RABGAP1L: variants seen among roughly 807,000 people sequenced by gnomAD.
RABGAP1L encodes rab GTPase-activating protein 1-like.
Under a neutral mutation model 137.7 loss-of-function variants are expected in RABGAP1L, and 63 were observed. That is an observed-to-expected ratio of 0.46 (90% CI 0.37 to 0.56). The LOEUF is 0.56. Ranked by LOEUF, RABGAP1L falls within the 20% of genes least tolerant of loss-of-function variation. The pLI, the probability that RABGAP1L is intolerant of heterozygous loss-of-function variation, is 0.00. For synonymous variants in RABGAP1L, 431 were observed against 433.7 expected, an observed-to-expected ratio of 0.99 and a Z score of 0.08; for missense variants, 1,095 against 1,244.0, an observed-to-expected ratio of 0.88 and a Z score of 1.80.
intron 13 of RABGAP1L, among the ~76,000 whole-genome samples, chr1:174,476,673 A>G (rs1394055805): frequency 2.0e-5 from 3 of 152,174 alleles, no homozygotes; most frequent in Non-Finnish European, 4.4e-5. Flanking sequence ...AGGATTTGAC[A>G]AGTTAATTAG....
chr1:174,901,876 G>C (rs2149161351), intron 19 of RABGAP1L, among the ~76,000 whole-genome samples: 1 of 152,178 alleles, frequency 6.6e-6, no homozygotes, highest in East Asian at 1.9e-4. Context: ...CTTTTTTGTT[G>C]ATATTGTTGT....
intron 13 of RABGAP1L, among the ~76,000 whole-genome samples, chr1:174,491,869 TG>T (rs1378004109): frequency 6.6e-6 from 1 of 152,218 alleles, no homozygotes; most frequent in East Asian, 1.9e-4. Flanking sequence ...AGGACAGCAC[TG>T]AATTAAGTGC....
At chr1:174,307,907 T>C (rs1300413731) in intron 11 of RABGAP1L, among the ~76,000 whole-genome samples, 2 of 152,132 alleles carry the variant, frequency 1.3e-5, no homozygotes, top group African/African-American at 4.8e-5. Flanking sequence ...TTTTTCATAG[T>C]GGTTGTACCA....
At chr1:174,837,569 G>C (rs1692899786) in intron 19 of RABGAP1L, among the ~76,000 whole-genome samples, 1 of 152,186 alleles carries the variant, frequency 6.6e-6, no homozygotes, top group Admixed American at 6.5e-5. Flanking sequence ...GTGGAGAATT[G>C]CCTCCTCTTC....
At chr1:174,599,329 GTTTTATC>G (rs1219956559) in intron 13 of RABGAP1L, among the ~76,000 whole-genome samples, 2 of 152,108 alleles carry the variant, frequency 1.3e-5, no homozygotes, top group Admixed American at 1.3e-4. Context: ...ATTTTTGATA[GTTTTATC>G]TTTTGATCTT....
chr1:174,950,744 T>C (rs934234331), intron 19 of RABGAP1L, among the ~76,000 whole-genome samples: 2 of 152,172 alleles, frequency 1.3e-5, no homozygotes, highest in Non-Finnish European at 2.9e-5. Context: ...TAAGAAACTG[T>C]CTGAAGTGAG....
At chr1:174,259,297 C>A (rs1032549064) in intron 7 of RABGAP1L, among the ~76,000 whole-genome samples, 4 of 152,076 alleles carry the variant, frequency 2.6e-5, no homozygotes, top group Non-Finnish European at 2.9e-5. Context: ...TTATACTTAG[C>A]TACTTACTCC....
chr1:174,908,606 G>A (rs937515497), intron 19 of RABGAP1L, among the ~76,000 whole-genome samples: 6 of 142,198 alleles, frequency 4.2e-5, no homozygotes, highest in East Asian at 4.2e-4. Flanking sequence ...ACAATGGTGC[G>A]ATCTTGGCTC....
At chr1:174,190,238 G>A (rs1667113187) in intron 1 of RABGAP1L, among the ~76,000 whole-genome samples, 1 of 151,268 alleles carries the variant, frequency 6.6e-6, no homozygotes, top group Non-Finnish European at 1.5e-5. Flanking sequence ...GGGAGGCAGA[G>A]GTTGCGGTGA....
intron 19 of RABGAP1L, among the ~76,000 whole-genome samples, chr1:174,917,212 T>A (rs139819826): frequency 6.6e-6 from 1 of 152,196 alleles, no homozygotes; most frequent in East Asian, 1.9e-4. Context: ...AGTATCTCAG[T>A]GTGGGAGTGG....
chr1:174,607,760 A>G (rs1457645888), intron 13 of RABGAP1L, among the ~76,000 whole-genome samples: 3 of 152,252 alleles, frequency 2.0e-5, no homozygotes, highest in Non-Finnish European at 4.4e-5. Context: ...TAATTGGAGC[A>G]TAACATCCTC....
Position 174,525,471 on chromosome 1 carries a change from A to T in RABGAP1L, c.1711-111904A>T, listed in dbSNP as rs558858029. 2.6e-5 allele frequency among the ~76,000 whole-genome samples: 4 copies of T among 151,848 alleles called. No individual in the cohort carries two copies. In the East Asian group the frequency reaches 7.7e-4, roughly 29 times the overall value. The stretch of plus-strand genomic sequence containing the variant: ...TTATTGGTGTCTAGAAATGCTTCCG[A>T]TTTTTGTTTGTTGATTTTGTATTCT... On this transcript the variant is annotated intron_variant, in intron 13 of 25. Transcript: ENST00000681986.
At chr1:174,743,833 C>T (rs577305657) in intron 17 of RABGAP1L, among the ~76,000 whole-genome samples, 1 of 151,866 alleles carries the variant, frequency 6.6e-6, no homozygotes, top group East Asian at 1.9e-4. Context: ...TCATGTTAAA[C>T]TTATCTCTCA....
At chr1:174,359,099 A>G (rs1455817321) in intron 11 of RABGAP1L, among the ~76,000 whole-genome samples, 1 of 151,794 alleles carries the variant, frequency 6.6e-6, no homozygotes, top group African/African-American at 2.4e-5. Flanking sequence ...TCTATGTATA[A>G]TGGGATACAG....
rs1447727270 is a variant in RABGAP1L at position 174,978,854 on chromosome 1, AAAG to A, written c.2702_2704del (p.Lys901del). 6.5e-7 allele frequency: 1 copy of A among 1,546,770 alleles called. No homozygotes were observed. The highest frequency in any genetic ancestry group is 1.4e-5 in the African/African-American group (1 of 72,778). ...AGCTAGAGAAGGCAGAATATGAAAT[AAAG>A]AAGACTACAGCTATCATTGCTGAGT... On this transcript the variant is annotated inframe_deletion, in exon 23 of 26. Transcript: ENST00000681986.
intron 21 of RABGAP1L, among the ~76,000 whole-genome samples, chr1:174,971,394 G>A (rs183524256): frequency 3.9e-5 from 6 of 152,202 alleles, no homozygotes; most frequent in Admixed American, 3.9e-4. Flanking sequence ...TATTCCTGAA[G>A]TAATTGATTA....
intron 13 of RABGAP1L, among the ~76,000 whole-genome samples, chr1:174,451,400 C>T (rs575982228): frequency 6.6e-6 from 1 of 152,328 alleles, no homozygotes; most frequent in East Asian, 1.9e-4. Flanking sequence ...TGGCTTTTCC[C>T]CATAGTAATT....
intron 13 of RABGAP1L, among the ~76,000 whole-genome samples, chr1:174,496,048 AT>A (rs895924992): frequency 2.6e-5 from 4 of 151,724 alleles, no homozygotes; most frequent in South Asian, 2.1e-4. Flanking sequence ...TTGAGTTTAA[AT>A]TTTTTTTTCT....
intron 20 of RABGAP1L, among the ~76,000 whole-genome samples, chr1:174,960,266 G>A (rs1358459184): frequency 6.6e-6 from 1 of 152,076 alleles, no homozygotes; most frequent in African/African-American, 2.4e-5. Flanking sequence ...TGGACATGGT[G>A]GCATATGTAA....
Sources: allele counts gnomAD v4.1 joint callset (sites outside exome capture counted in the v4.1 genomes callset), GRCh38; gene constraint gnomAD v4.1.1; transcripts MANE v1.5; gene names NCBI Gene and HGNC (gene_info 2026-07-23, HGNC 2026-07-21).